The following DNAH11 variants were observed in gnomAD, a reference collection of about 807,000 sequenced individuals.
DNAH11 encodes axonemal beta dynein heavy chain 11.
DNAH11 carries 442 observed loss-of-function variants against 526.0 expected under a neutral mutation model. The observed-to-expected ratio is 0.84, with a 90% CI of 0.78 to 0.91. The LOEUF is 0.91. DNAH11 is among the 40% of genes least tolerant of loss of function. The pLI is 0.00. For synonymous variants in DNAH11, 2,461 were observed against 1,935.9 expected (o/e 1.27, Z -7.12); for missense variants, 6,989 against 5,448.7 (o/e 1.28, Z -8.90).
At chr7:21,640,948 T>C (rs10950865) in intron 28 of DNAH11, among the ~76,000 whole-genome samples, 102,769 of 151,980 alleles carry the variant, frequency 0.68, 35,221 homozygotes, top group African/African-American at 0.77. Flanking sequence ...CCCTCACCAG[T>C]GGTGACTGTC....
At chr7:21,873,782 T>TGAGGA (rs1783589481) in intron 74 of DNAH11, among the ~76,000 whole-genome samples, 1 of 117,790 alleles carries the variant, frequency 8.5e-6, no homozygotes, top group African/African-American at 3.3e-5. Context: ...TTGAGGAGGT[T>TGAGGA]GCTTTTTTTT....
intron 21 of DNAH11, among the ~76,000 whole-genome samples, chr7:21,615,937 A>T (rs941142756): frequency 6.6e-6 from 1 of 152,202 alleles, no homozygotes; most frequent in African/African-American, 2.4e-5. Context: ...TTCAAAGTAC[A>T]CAGGATTAAG....
At position 21,616,262 on chromosome 7, in the gene DNAH11, G is replaced by A. The variant is rs998146886; in HGVS notation, c.4065G>A (p.Gln1355=). ...KTQWRQIHVE[Q]MDVELRRFAK... ...AGTGGAGACAGATTCATGTGGAACA[G>A]ATGGATGTAGAACTCAGAAGGTTTG... The change falls in exon 22 of 82, where the codon CAG becomes CAA. Residue 1355 remains glutamine, a synonymous_variant. Coordinates refer to ENST00000409508, the MANE Select transcript of DNAH11 (RefSeq NM_001277115.2). The A allele has an allele frequency of 1.2e-6, 2 of 1,613,490 alleles. No individual in the cohort carries two copies. Among genetic ancestry groups the A allele is most frequent in the Non-Finnish European group, 1.7e-6 (2 of 1,179,644 alleles).
intron 62 of DNAH11, among the ~76,000 whole-genome samples, chr7:21,801,900 C>A (rs1002690250): frequency 6.6e-6 from 1 of 152,136 alleles, no homozygotes; most frequent in African/African-American, 2.4e-5. Context: ...TTTTATAATT[C>A]TTATTGACAT....
chr7:21,575,914 T>C (rs1784076171), intron 8 of DNAH11, among the ~76,000 whole-genome samples: 1 of 152,244 alleles, frequency 6.6e-6, no homozygotes, highest in South Asian at 2.1e-4. Flanking sequence ...CCATCAGATT[T>C]ATATACTAAA....
chr7:21,662,243 A>G (rs1051754452), intron 30 of DNAH11, among the ~76,000 whole-genome samples: 1 of 152,122 alleles, frequency 6.6e-6, no homozygotes, highest in Non-Finnish European at 1.5e-5. Context: ...TATTTAATAC[A>G]TTTTCCTCAG....
chr7:21,638,290 A>G (rs975995310), intron 27 of DNAH11, among the ~76,000 whole-genome samples: 3 of 152,220 alleles, frequency 2.0e-5, no homozygotes, highest in African/African-American at 7.2e-5. Context: ...AGATCTAGAT[A>G]AAATTTTATA....
chr7:21,722,130 T>A (rs1784902482), intron 44 of DNAH11, among the ~76,000 whole-genome samples: 1 of 152,216 alleles, frequency 6.6e-6, no homozygotes, highest in East Asian at 1.9e-4. Context: ...ATTGCCACCA[T>A]GCACCTCTAT....
At chr7:21,897,718 C>G (rs945549947) in intron 79 of DNAH11, among the ~76,000 whole-genome samples, 1 of 152,128 alleles carries the variant, frequency 6.6e-6, no homozygotes, top group African/African-American at 2.4e-5. Flanking sequence ...TGGGTTCAAC[C>G]GATTCTCCTG....
intron 51 of DNAH11, among the ~76,000 whole-genome samples, chr7:21,745,450 G>A (rs1786102725): frequency 1.3e-5 from 2 of 152,174 alleles, no homozygotes; most frequent in African/African-American, 2.4e-5. Context: ...TAAAATGGGG[G>A]AGGGCTCATG....
At chr7:21,816,790 C>T in intron 64 of DNAH11, 88 bp downstream of exon 64, 1 of 1,003,358 alleles carries the variant, frequency 1.0e-6, no homozygotes, top group South Asian at 1.5e-5. Context: ...TCTTAGACCT[C>T]TCCACCACAT....
rs747673200 is a variant in DNAH11, at chr7:21,801,207, A to G, written c.10097A>G (p.Gln3366Arg). The G allele has an allele frequency of 1.2e-6, 2 of 1,613,708 alleles. No homozygotes were observed. The highest frequency in any genetic ancestry group is 1.7e-6 in the Non-Finnish European group (2 of 1,179,772). ...GCAACAGCTGAGAAAGTCCGGTGTC[A>G]AGAAGAGGTGAACCAAACCAACAAA... is the stretch of plus-strand genomic sequence containing the variant. Reference protein sequence around the residue: ...EKATAEKVRCQEEVNQTNKTI... With the variant: ...EKATAEKVRCREEVNQTNKTI... Residue 3366 changes from glutamine to arginine, a missense_variant, in exon 62 of 82, where the codon CAA becomes CGA. Gln to Arg is a conservative substitution (Grantham distance 43). Coordinates refer to ENST00000409508, the MANE Select transcript of DNAH11 (RefSeq NM_001277115.2).
At chr7:21,627,303 T>G (rs1441345772) in intron 25 of DNAH11, among the ~76,000 whole-genome samples, 1 of 152,176 alleles carries the variant, frequency 6.6e-6, no homozygotes, top group Non-Finnish European at 1.5e-5. Flanking sequence ...CAGTTTTGTT[T>G]TTGTTGCCTG....
chr7:21,564,920 A>G (rs901856257), intron 6 of DNAH11, among the ~76,000 whole-genome samples: 1 of 152,216 alleles, frequency 6.6e-6, no homozygotes, highest in Non-Finnish European at 1.5e-5. Context: ...AATTTAAAAA[A>G]AGGACCACCT....
chr7:21,810,157 T>A (rs965318119), intron 63 of DNAH11, among the ~76,000 whole-genome samples: 3 of 152,198 alleles, frequency 2.0e-5, no homozygotes, highest in African/African-American at 7.2e-5. Context: ...TACCCTAAAT[T>A]TGAAAATTCA....
intron 74 of DNAH11, among the ~76,000 whole-genome samples, chr7:21,877,829 C>T (rs750435543): frequency 7.4e-5 from 10 of 134,800 alleles, no homozygotes; most frequent in Admixed American, 1.7e-4. Context: ...GAGCAGAGAT[C>T]GCGCTACTGC....
intron 67 of DNAH11, 56 bp from the exon 68 acceptor site, chr7:21,854,259 T>C (rs1399710851): frequency 3.2e-6 from 5 of 1,577,488 alleles, no homozygotes; most frequent in Non-Finnish European, 3.4e-6. Context: ...TCCTTGGATA[T>C]GCGTAGAGAA....
At chr7:21,827,871 T>C (rs1316959981) in intron 65 of DNAH11, among the ~76,000 whole-genome samples, 1 of 152,114 alleles carries the variant, frequency 6.6e-6, no homozygotes, top group Non-Finnish European at 1.5e-5. Context: ...AGATTTAAGA[T>C]AGAAACATGT....
At chr7:21,744,322 A>T in intron 49 of DNAH11, 116 bp from the exon 50 acceptor site, 1 of 1,123,064 alleles carries the variant, frequency 8.9e-7, no homozygotes, top group East Asian at 2.4e-5. Context: ...ATTACTATTG[A>T]TGATATTTCT....
Sources: gnomAD v4.1 joint callset for allele counts (sites outside exome capture counted in the v4.1 genomes callset) on GRCh38, gnomAD v4.1.1 for gene constraint, MANE v1.5 for transcripts, NCBI Gene and HGNC (gene_info 2026-07-23, HGNC 2026-07-21) for gene names.